Variants in SLC36A4 observed in about 807,000 individuals in gnomAD.
The protein encoded by SLC36A4 is solute carrier family 36 member 4.
Under a neutral mutation model 50.5 loss-of-function variants are expected in SLC36A4, and 49 were observed. The observed-to-expected ratio is 0.97, with a 90% CI of 0.77 to 1.23. The LOEUF (loss-of-function observed/expected upper bound fraction) is 1.23, where lower values mean the gene tolerates loss of function less well. Among genes scored for constraint, SLC36A4 ranks in the 50% most tolerant of loss-of-function variants. SLC36A4 has a pLI of 0.00. For missense variants in SLC36A4, 611 were observed against 608.4 expected, an observed-to-expected ratio of 1.00 and a Z score of -0.05; for synonymous variants, 207 against 206.5, an observed-to-expected ratio of 1.00 and a Z score of -0.02.
rs1860234523 is a variant in SLC36A4, at chr11:93,154,114, T to C, written c.1201A>G (p.Ile401Val). Residue 401 changes from isoleucine (I) to valine (V), a missense_variant, in exon 10 of 11, where the codon ATT (isoleucine) becomes GTT (valine). Transcript: ENST00000326402. ...EFGIRSFLVS[I>V]TCAGAILIPR... ...AATATATAATGATACTTACAAGTAATACTAACCAAGAAGGATCTTATCCCA... is the reference window on the plus strand; with the variant it reads ...AATATATAATGATACTTACAAGTAACACTAACCAAGAAGGATCTTATCCCA... The C allele has an allele frequency of 6.8e-7, 1 of 1,478,742 alleles. No individual in the cohort carries two copies. Among genetic ancestry groups the C allele is most frequent in the African/African-American group, 1.4e-5 (1 of 69,506 alleles). 91.6% of individuals were successfully genotyped at this position (1,478,742 alleles called of 1,614,324 possible).
chr11:93,169,793 G>T (rs539669145), intron 6 of SLC36A4, among the ~76,000 whole-genome samples: 1 of 152,014 alleles, frequency 6.6e-6, no homozygotes, highest in African/African-American at 2.4e-5. Flanking sequence ...ACATTCCTTG[G>T]TTTTTACAAA....
intron 1 of SLC36A4, among the ~76,000 whole-genome samples, chr11:93,189,636 T>C (rs989902982): frequency 6.6e-6 from 1 of 152,230 alleles, no homozygotes; most frequent in Non-Finnish European, 1.5e-5. Context: ...CTGATTTCTT[T>C]CTGTCAGGGA....
Position 93,148,798 on chromosome 11 carries a change from G to A in SLC36A4, c.1254C>T (p.Phe418=), listed in dbSNP as rs267603248. The change falls in exon 11 of 11, where the codon TTC becomes TTT. Residue 418 remains phenylalanine, a synonymous_variant. Coordinates refer to ENST00000326402, the MANE Select transcript of SLC36A4 (RefSeq NM_152313.4). ...LIPRLDIVIS[F]VGAVSSSTLA... is the part of the protein sequence containing the mutation. ...ATGTGCTGCTGCTCACAGCTCCAAC[G>A]AAGGAAATCACAATGTCTAAACGAG... 6 of 1,612,608 alleles carry A rather than the reference G, an allele frequency of 3.7e-6. No individual in the cohort carries two copies. The highest frequency in any genetic ancestry group is 4.5e-5 in the East Asian group (2 of 44,818).
At chr11:93,183,479 A>T (rs1409441558) in intron 3 of SLC36A4, among the ~76,000 whole-genome samples, 1 of 152,170 alleles carries the variant, frequency 6.6e-6, no homozygotes, top group Non-Finnish European at 1.5e-5. Flanking sequence ...AGTTTTTATC[A>T]TCTAAATTAG....
At chr11:93,176,328 G>T (rs956543465) in intron 6 of SLC36A4, among the ~76,000 whole-genome samples, 1 of 150,564 alleles carries the variant, frequency 6.6e-6, no homozygotes, top group Non-Finnish European at 1.5e-5. Flanking sequence ...CTTTTATTTT[G>T]AGCCTATGTG....
Position 93,162,686 on chromosome 11 carries a change from A to G in SLC36A4, c.1037+20T>C. ...TTATAAAATATATAAACTAATATTG[A>G]CAAATTCATATACACCTACCATACA... is the stretch of plus-strand genomic sequence containing the variant. On this transcript the variant is annotated intron_variant, in intron 9 of 10. Coordinates refer to ENST00000326402, the MANE Select transcript of SLC36A4 (RefSeq NM_152313.4). 3 of 1,565,230 alleles carry G rather than the reference A, an allele frequency of 1.9e-6. No individual in the cohort carries two copies. Among genetic ancestry groups the G allele is most frequent in the Middle Eastern group, 2.1e-4 (1 of 4,674 alleles).
chr11:93,165,872 G>C, intron 8 of SLC36A4, 46 bp downstream of exon 8: 2 of 1,217,096 alleles, frequency 1.6e-6, no homozygotes. Flanking sequence ...AAATCATTGT[G>C]CTGAATTAAG....
chr11:93,184,529 T>C lies in SLC36A4; in HGVS notation c.180-9A>G. ...TAAGAGTTTGTACAAATCTGAAAAG[T>C]AAAAGTTGTAAGACTTAAATATTTT... On this transcript the variant is annotated splice_polypyrimidine_tract_variant and intron_variant, in intron 2 of 10. Coordinates refer to ENST00000326402, the MANE Select transcript of SLC36A4 (RefSeq NM_152313.4). 6.6e-7 allele frequency: 1 copy of C among 1,506,840 alleles called. No individual in the cohort carries two copies. Among genetic ancestry groups the C allele is most frequent in the Non-Finnish European group, 9.2e-7 (1 of 1,086,238 alleles). The allele number at this position is 1,506,840 out of a possible 1,614,324, so 93.3% of individuals were successfully genotyped here.
chr11:93,161,055 GTC>G (rs1205912233), intron 9 of SLC36A4, among the ~76,000 whole-genome samples: 1 of 151,934 alleles, frequency 6.6e-6, no homozygotes, highest in Non-Finnish European at 1.5e-5. Context: ...ATGCAGGCTA[GTC>G]TCAAACTTCT....
Position 93,148,601 on chromosome 11 carries a change from G to C in SLC36A4, c.1451C>G (p.Ala484Gly). Reference protein sequence around the residue: ...EIIYPTPKVVAGTPQSPFLNL... With the variant: ...EIIYPTPKVVGGTPQSPFLNL... ...TAGAAAAGGACTCTGTGGAGTGCCAGCTACAACTTTGGGAGTAGGATAAAT... is the reference window on the plus strand; with the variant it reads ...TAGAAAAGGACTCTGTGGAGTGCCACCTACAACTTTGGGAGTAGGATAAAT... The change falls in exon 11 of 11, where the codon GCT becomes GGT. Residue 484 changes from alanine (A) to glycine (G), a missense_variant. By Grantham distance (60) the Ala-to-Gly change is moderately conservative. Coordinates refer to ENST00000326402, the MANE Select transcript of SLC36A4 (RefSeq NM_152313.4). 1 of 1,612,810 alleles carries C rather than the reference G, an allele frequency of 6.2e-7. No homozygotes were observed. Among genetic ancestry groups the C allele is most frequent in the Non-Finnish European group, 8.5e-7 (1 of 1,179,232 alleles).
At chr11:93,196,455 C>T (rs1450963884) in intron 1 of SLC36A4, among the ~76,000 whole-genome samples, 8 of 152,188 alleles carry the variant, frequency 5.3e-5, no homozygotes, top group African/African-American at 1.9e-4. Flanking sequence ...CAAGCTCCGC[C>T]TCCCGGGTTC....
At chr11:93,165,838 A>AT in intron 8 of SLC36A4, 80 bp downstream of exon 8, 1 of 836,132 alleles carries the variant, frequency 1.2e-6, no homozygotes, top group Middle Eastern at 3.3e-4. Flanking sequence ...AAAATATGCA[A>AT]TTTTAAATAC....
Position 93,168,041 on chromosome 11 carries a change from A to T in SLC36A4, c.671T>A (p.Val224Asp). 3.7e-6 allele frequency: 6 copies of T among 1,612,624 alleles called. No homozygotes were observed. The highest frequency in any genetic ancestry group is 4.2e-6 in the Non-Finnish European group (5 of 1,179,084). ...TAGATTCTTTAGTTCACGAATGAAG[A>T]CCAAAAGAATTATAAATGGAAGAAA... The part of the protein sequence containing the change: ...LCFLPFIILL[V>D]FIRELKNLFV... Residue 224 changes from valine (V) to aspartate (D), a missense_variant, in exon 7 of 11, where the codon GTC becomes GAC. Coordinates refer to ENST00000326402, the MANE Select transcript of SLC36A4 (RefSeq NM_152313.4).
chr11:93,187,437 T>A (rs1241600880), intron 1 of SLC36A4, among the ~76,000 whole-genome samples: 1 of 152,200 alleles, frequency 6.6e-6, no homozygotes, highest in Admixed American at 6.5e-5. Flanking sequence ...ATACTTCTTC[T>A]TTAGATATTT....
chr11:93,185,786 ATT>A lies in SLC36A4; in HGVS notation c.82_83del (p.Asn28Ter). 1 of 1,608,066 alleles carries A rather than the reference ATT, an allele frequency of 6.2e-7. No homozygotes were observed. The stretch of plus-strand genomic sequence containing the variant: ...CTGATGTCCCATCAAAATTCTGCTC[ATT>A]TATCAAGGGCCTCATTACATCCATA... ...LDMDVMRPLI[N>X]EQNFDGTSDE... On this transcript the variant is annotated frameshift_variant, in exon 2 of 11. Transcript: ENST00000326402. LOFTEE classifies it high-confidence loss of function.
Position 93,181,676 on chromosome 11 carries a change from AGAGT to A in SLC36A4, c.455+11_455+14del. The A allele has an allele frequency of 6.8e-7, 1 of 1,475,234 alleles. No individual in the cohort carries two copies. Among genetic ancestry groups the A allele is most frequent in the Non-Finnish European group, 9.0e-7 (1 of 1,109,720 alleles). 91.4% of individuals were successfully genotyped at this position (1,475,234 alleles called of 1,614,324 possible). On this transcript the variant is annotated intron_variant, in intron 5 of 10. Transcript: ENST00000326402. ...ATTTTAACAATCATATATTAATAAC[AGAGT>A]AAGTACTTACCGCCCCCATGCTGCT...
chr11:93,196,103 A>G (rs1162910610), intron 1 of SLC36A4, among the ~76,000 whole-genome samples: 1 of 152,204 alleles, frequency 6.6e-6, no homozygotes, highest in Non-Finnish European at 1.5e-5. Flanking sequence ...GTGTTGAATT[A>G]ATGAAAATAT....
In SLC36A4 at chr11:93,147,556, G is replaced by C. The variant is rs1859886763; in HGVS notation, c.*981C>G. ...GAACATAGCTTCTTTCTCTTGCTGA[G>C]GTTTATATGGCCACAGTGTAGGCTT... is the stretch of plus-strand genomic sequence containing the variant. On this transcript the variant is annotated 3_prime_UTR_variant, in exon 11 of 11. Coordinates refer to ENST00000326402, the MANE Select transcript of SLC36A4 (RefSeq NM_152313.4). 1 of 152,054 alleles carries C rather than the reference G, an allele frequency of 6.6e-6. No individual in the cohort carries two copies. 9.4% of individuals were successfully genotyped at this position (152,054 alleles called of 1,614,324 possible).
chr11:93,192,237 G>A (rs1228314494), intron 1 of SLC36A4, among the ~76,000 whole-genome samples: 3 of 152,176 alleles, frequency 2.0e-5, no homozygotes, highest in South Asian at 2.1e-4. Context: ...AAGTCCTGAC[G>A]AAGGAGCAGG....
Sources: gnomAD v4.1 joint callset for allele counts (sites outside exome capture counted in the v4.1 genomes callset) on GRCh38, gnomAD v4.1.1 for gene constraint, MANE v1.5 for transcripts, NCBI Gene and HGNC (gene_info 2026-07-23, HGNC 2026-07-21) for gene names.